The following PKHD1 variants were observed in gnomAD, a reference collection of about 807,000 sequenced individuals.
PKHD1 encodes fibrocystin.
PKHD1 carries 291 observed loss-of-function variants against 412.0 expected under a neutral mutation model. The ratio of observed to expected loss-of-function variants is 0.71; its 90% CI spans 0.64 to 0.78. The LOEUF (loss-of-function observed/expected upper bound fraction) is 0.78. Among genes scored for constraint, PKHD1 ranks in the 30% least tolerant of loss-of-function variants. The pLI, the probability that PKHD1 is intolerant of heterozygous loss-of-function variation, is 0.00. For missense variants in PKHD1, 4,825 were observed against 4,950.7 expected (o/e 0.97, Z 0.76); for synonymous variants, 1,777 against 1,821.5 (o/e 0.98, Z 0.62).
Position 51,816,814 on chromosome 6 carries a change from C to A in PKHD1, c.8302+14047G>T, listed in dbSNP as rs143379637. Among the ~76,000 whole-genome samples the A allele has an allele frequency of 3.6e-3, 549 of 152,332 alleles. 3 individuals are homozygous for A. The highest frequency in any genetic ancestry group is 0.013 in the African/African-American group (526 of 41,578). Reference sequence around the variant, plus strand: ...ATGGCTGCACGAGAGCCTCTTTGAGCCTACTGTGGCTCAGGAGGCTGCCCA... The same window carrying A: ...ATGGCTGCACGAGAGCCTCTTTGAGACTACTGTGGCTCAGGAGGCTGCCCA... On this transcript the variant is annotated intron_variant, in intron 52 of 66. Transcript: ENST00000371117.
At chr6:51,767,341 T>TTTA (rs1285214693) in intron 55 of PKHD1, among the ~76,000 whole-genome samples, 3 of 152,064 alleles carry the variant, frequency 2.0e-5, no homozygotes, top group Non-Finnish European at 4.4e-5. Context: ...TTTCTTTTAT[T>TTTA]TTATTATTAT....
At chr6:51,957,146 G>T (rs540001336) in intron 36 of PKHD1, among the ~76,000 whole-genome samples, 18 of 152,174 alleles carry the variant, frequency 1.2e-4, no homozygotes, top group African/African-American at 4.3e-4. Context: ...AGTCATCAGG[G>T]TCCTGGGTTT....
In PKHD1 at chr6:51,772,844, C is replaced by T. The variant is rs115052796; in HGVS notation, c.8555-55G>A. 367 of 986,648 alleles carry T rather than the reference C, an allele frequency of 3.7e-4. No individual in the cohort carries two copies. In the African/African-American group the frequency reaches 5.1e-3, roughly 14 times the overall value. The allele number at this position is 986,648 out of a possible 1,614,324, so 61.1% of individuals were successfully genotyped here. On this transcript the variant is annotated intron_variant, in intron 54 of 66. Transcript: ENST00000371117. ...GAAAAATCCTTCAGAGGAATGAAAG[C>T]CAGGTAAGTAAAAGTCATTCCAGAG... is the stretch of plus-strand genomic sequence containing the variant.
At chr6:51,646,031 G>T (rs980861433) in intron 63 of PKHD1, among the ~76,000 whole-genome samples, 1 of 152,184 alleles carries the variant, frequency 6.6e-6, no homozygotes, top group Non-Finnish European at 1.5e-5. Context: ...ATTGAAACTA[G>T]TGGGAGAGAT....
chr6:51,924,986 T>C (rs568018971), intron 37 of PKHD1, among the ~76,000 whole-genome samples: 17 of 152,220 alleles, frequency 1.1e-4, no homozygotes, highest in Non-Finnish European at 2.2e-4. Flanking sequence ...TAAAATAATG[T>C]CCGTTTTATA....
At position 51,906,287 on chromosome 6, in the gene PKHD1, T is replaced by C. The variant is rs1782077588; in HGVS notation, c.6736A>G (p.Met2246Val). 3 of 1,609,022 alleles carry C rather than the reference T, an allele frequency of 1.9e-6. No individual in the cohort carries two copies. The highest frequency in any genetic ancestry group is 1.1e-5 in the South Asian group (1 of 90,990). The change falls in exon 41 of 67, where the codon ATG becomes GTG. Residue 2246 changes from methionine to valine, a missense_variant. Met to Val is a conservative substitution (Grantham distance 21). Coordinates refer to ENST00000371117, the MANE Select transcript of PKHD1 (RefSeq NM_138694.4). ...ACCTTCAGGCCCAAGGTCCCGCACA[T>C]GCTGAGGCCTCTACTGAAGGAGTTC... ...VRNSFSRGLS[M>V]CGTLGLKVDS...
In PKHD1 at chr6:52,042,846, C is replaced by G; in HGVS notation, c.3097+13G>C. 6.2e-7 allele frequency: 1 copy of G among 1,612,726 alleles called. No individual in the cohort carries two copies. The highest frequency in any genetic ancestry group is 1.1e-5 in the South Asian group (1 of 91,062). ...AGAGGGTCAGACATACTGTGAGACCCTCCCCAGATTACCAATATCCGCAGC... is the reference window on the plus strand; with the variant it reads ...AGAGGGTCAGACATACTGTGAGACCGTCCCCAGATTACCAATATCCGCAGC... On this transcript the variant is annotated intron_variant, in intron 27 of 66. Transcript: ENST00000371117.
chr6:51,665,447 C>T (rs1003263885), intron 60 of PKHD1, among the ~76,000 whole-genome samples: 5 of 151,962 alleles, frequency 3.3e-5, no homozygotes, highest in African/African-American at 1.2e-4. Context: ...AAAACAGACC[C>T]GAAAAACCCC....
chr6:51,896,346 G>A (rs1485902194), intron 43 of PKHD1, among the ~76,000 whole-genome samples: 43 of 152,032 alleles, frequency 2.8e-4, no homozygotes, highest in African/African-American at 1.0e-3. Flanking sequence ...CCTCAAGTGG[G>A]TCCCTGACCC....
At chr6:52,029,700 G>A (rs1802753723) in intron 29 of PKHD1, among the ~76,000 whole-genome samples, 2 of 152,162 alleles carry the variant, frequency 1.3e-5, no homozygotes, top group South Asian at 4.1e-4. Context: ...ATCACCCAGT[G>A]GCTTGGAGAG....
intron 14 of PKHD1, among the ~76,000 whole-genome samples, chr6:52,061,384 G>T (rs1318876696): frequency 6.6e-6 from 1 of 152,028 alleles, no homozygotes; most frequent in East Asian, 1.9e-4. Flanking sequence ...ACAGGGCCTA[G>T]TCCCAAACTC....
At chr6:51,739,763 T>C (rs368353233) in intron 60 of PKHD1, among the ~76,000 whole-genome samples, 1 of 152,122 alleles carries the variant, frequency 6.6e-6, no homozygotes, top group Non-Finnish European at 1.5e-5. Flanking sequence ...GCAATGCTAG[T>C]TTTCATTTTA....
intron 35 of PKHD1, among the ~76,000 whole-genome samples, chr6:52,009,616 T>G (rs1799549074): frequency 6.6e-6 from 1 of 152,268 alleles, no homozygotes; most frequent in South Asian, 2.1e-4. Flanking sequence ...CCTGGGGAGC[T>G]GTAAAAGATT....
chr6:51,742,995 T>C (rs1376979002), intron 60 of PKHD1, among the ~76,000 whole-genome samples: 1 of 152,046 alleles, frequency 6.6e-6, no homozygotes, highest in Non-Finnish European at 1.5e-5. Flanking sequence ...GTGATACACA[T>C]ACCATGTTAA....
chr6:52,079,487 CA>C lies in PKHD1; in HGVS notation c.390+412del, dbSNP rs553389391. 1.8e-4 allele frequency among the ~76,000 whole-genome samples: 27 copies of C among 152,258 alleles called. No individual in the cohort carries two copies. The East Asian group carries it at 5.0e-3, about 28-fold the overall frequency. On this transcript the variant is annotated intron_variant, in intron 5 of 66. Transcript: ENST00000371117. ...TCTGAGCTGTAAAATGAAACACCCA[CA>C]AAAGTAATCTTGGTGGCCCCTCTAT...
At chr6:51,935,047 C>A (rs1444118658) in intron 36 of PKHD1, among the ~76,000 whole-genome samples, 1 of 152,170 alleles carries the variant, frequency 6.6e-6, no homozygotes, top group Non-Finnish European at 1.5e-5. Flanking sequence ...TCCCTGCCTG[C>A]CCCACCACCC....
intron 48 of PKHD1, among the ~76,000 whole-genome samples, chr6:51,866,461 A>G (rs1775078652): frequency 1.3e-5 from 2 of 152,122 alleles, no homozygotes. Flanking sequence ...TGACCTGCCA[A>G]GGCAAGTACC....
intron 55 of PKHD1, among the ~76,000 whole-genome samples, chr6:51,759,021 C>T (rs1482160099): frequency 6.6e-6 from 1 of 152,132 alleles, no homozygotes; most frequent in African/African-American, 2.4e-5. Flanking sequence ...GTCTCACCTG[C>T]ACCTCCAGGA....
chr6:51,980,754 C>T (rs1269479461), intron 35 of PKHD1, among the ~76,000 whole-genome samples: 1 of 152,218 alleles, frequency 6.6e-6, no homozygotes, highest in African/African-American at 2.4e-5. Context: ...TATCTCATTA[C>T]TTGGCTTTTA....
Sources: allele counts gnomAD v4.1 joint callset (sites outside exome capture counted in the v4.1 genomes callset), GRCh38; gene constraint gnomAD v4.1.1; transcripts MANE v1.5; gene names NCBI Gene and HGNC (gene_info 2026-07-23, HGNC 2026-07-21).